The following GRIK5 variants were observed in gnomAD, a reference collection of about 807,000 sequenced individuals.
GRIK5 encodes glutamate receptor ionotropic, kainate 5.
A neutral mutation model predicts 97.4 loss-of-function variants in GRIK5; 43 were observed. The observed-to-expected ratio is 0.44, with a 90% CI of 0.35 to 0.57. GRIK5 has a LOEUF of 0.57. Among genes scored for constraint, GRIK5 ranks in the 20% least tolerant of loss-of-function variants. The probability of loss-of-function intolerance (pLI) is 0.01; values close to 1 mark genes in which losing one functional copy is unlikely to be tolerated. For missense variants in GRIK5, 1,015 were observed against 1,382.0 expected (o/e 0.73, Z 4.21); for synonymous variants, 580 against 583.5 (o/e 0.99, Z 0.09).
chr19:42,021,614 G>T lies in GRIK5; in HGVS notation c.1698-140C>A, dbSNP rs2075698063. ...AGCAAGATGGACAGAAGCACACAGA[G>T]AAAAGGCAGAGAGAGATGCACAGAG... On this transcript the variant is annotated intron_variant, in intron 14 of 19. Transcript: ENST00000593562. This position sits in a 1 kb window ranked among gnomAD's most constrained non-coding sequence, Gnocchi z 4.2. The T allele has an allele frequency of 4.6e-6, 3 of 657,814 alleles. No individual in the cohort carries two copies. The Admixed American group carries it at 9.2e-5, about 20-fold the overall frequency. The allele number at this position is 657,814 out of a possible 1,614,324, so 40.7% of individuals were successfully genotyped here.
At chr19:42,026,989 T>C (rs1357806244) in intron 12 of GRIK5, among the ~76,000 whole-genome samples, 1 of 152,146 alleles carries the variant, frequency 6.6e-6, no homozygotes, top group East Asian at 1.9e-4. Flanking sequence ...GTCTTACACC[T>C]GGCCCCAAAA....
At chr19:42,020,740 TGGC>T (rs2075686196) in intron 15 of GRIK5, among the ~76,000 whole-genome samples, 1 of 152,176 alleles carries the variant, frequency 6.6e-6, no homozygotes, top group Non-Finnish European at 1.5e-5. Flanking sequence ...ACAAATGCCA[TGGC>T]AACGTCAGGA....
chr19:42,015,880 C>A (rs1197661468), intron 15 of GRIK5, among the ~76,000 whole-genome samples: 1 of 152,158 alleles, frequency 6.6e-6, no homozygotes, highest in Non-Finnish European at 1.5e-5. Flanking sequence ...CCCAGACCTC[C>A]CACCCTCACA....
Position 42,031,641 on chromosome 19 carries a change from CTAAG to C in GRIK5, c.1474-9291_1474-9288del, listed in dbSNP as rs527467510. 8.5e-5 allele frequency among the ~76,000 whole-genome samples: 13 copies of C among 152,192 alleles called. No individual in the cohort carries two copies. The South Asian group carries it at 2.5e-3, about 29-fold the overall frequency. On this transcript the variant is annotated intron_variant, in intron 12 of 19. Transcript: ENST00000593562. ...ATCCATGAAAATGACAGGGAGTTGT[CTAAG>C]TAGCTAAAAGCCGATAAAAACACTC...
intron 15 of GRIK5, among the ~76,000 whole-genome samples, chr19:42,007,718 A>G (rs2075509883): frequency 6.6e-6 from 1 of 152,158 alleles, no homozygotes; most frequent in Non-Finnish European, 1.5e-5. Context: ...GGGCTGGACA[A>G]GAGCAACTTT....
At chr19:42,011,633 AAAG>A (rs1339594498) in intron 15 of GRIK5, among the ~76,000 whole-genome samples, 3 of 152,082 alleles carry the variant, frequency 2.0e-5, no homozygotes, top group Non-Finnish European at 4.4e-5. Context: ...AAAATAAAAC[AAAG>A]AAGTACAGTT....
intron 9 of GRIK5, 30 bp from the exon 10 acceptor site, chr19:42,053,959 A>AGCCGCTTGGG: frequency 6.8e-7 from 1 of 1,478,626 alleles, no homozygotes; most frequent in Non-Finnish European, 9.5e-7. Flanking sequence ...GGGCAGAGGG[A>AGCCGCTTGGG]GAGTGCAGGG....
In GRIK5 at chr19:42,022,758, G is replaced by T; in HGVS notation, c.1474-404C>A. 2.8e-6 allele frequency: 2 copies of T among 726,564 alleles called. No homozygotes were observed. Among genetic ancestry groups the T allele is most frequent in the Non-Finnish European group, 3.4e-6 (2 of 593,880 alleles). The allele number at this position is 726,564 out of a possible 1,614,324, so 45.0% of individuals were successfully genotyped here. ...ACAGGCCCGGACAGAACACAGAGCA[G>T]GGAGAGAGGAGGCAGGGCCCAGAAA... On this transcript the variant is annotated intron_variant, in intron 12 of 19. Transcript: ENST00000593562. This position sits in a 1 kb window ranked among gnomAD's most constrained non-coding sequence, Gnocchi z 4.2.
chr19:42,059,833 C>T (rs1295164831), intron 5 of GRIK5, among the ~76,000 whole-genome samples: 1 of 152,120 alleles, frequency 6.6e-6, no homozygotes, highest in East Asian at 1.9e-4. Context: ...CCACGGCTTC[C>T]CCATGTTGGT....
chr19:42,024,653 T>A (rs549050163), intron 12 of GRIK5, among the ~76,000 whole-genome samples: 56 of 152,180 alleles, frequency 3.7e-4, no homozygotes, highest in Non-Finnish European at 7.8e-4. Flanking sequence ...TCCCAACAGA[T>A]CCTGCTCGGG....
chr19:42,011,906 G>A (rs1201994894), intron 15 of GRIK5, among the ~76,000 whole-genome samples: 4 of 152,070 alleles, frequency 2.6e-5, no homozygotes, highest in Non-Finnish European at 4.4e-5. Flanking sequence ...CCCAGGAGTC[G>A]TGTTCGTGCC....
At chr19:42,054,210 G>A (rs1055208271) in intron 9 of GRIK5, 110 bp downstream of exon 9, 5 of 1,174,522 alleles carry the variant, frequency 4.3e-6, no homozygotes, top group Non-Finnish European at 4.9e-6. Context: ...GAGGCAGTGG[G>A]TACGGTGGGA....
intron 8 of GRIK5, among the ~76,000 whole-genome samples, chr19:42,055,958 C>A (rs966192981): frequency 1.3e-5 from 2 of 151,582 alleles, no homozygotes. Context: ...GCTGGGATTA[C>A]AAGTATAAGC....
chr19:42,058,825 CAA>C (rs768060100), intron 6 of GRIK5, among the ~76,000 whole-genome samples: 9 of 62,710 alleles, frequency 1.4e-4, no homozygotes, highest in Admixed American at 1.9e-4. Flanking sequence ...GACTCCGTCT[CAA>C]AAAAAAAAAA....
rs555342478 is a variant in GRIK5 at position 42,058,848 on chromosome 19, GA to G, written c.687+500del. ...CTCAAAAAAAAAAAAAAAGAAAAAAGAAAAAAAATACATGCAAAAACACCTT... is the reference window on the plus strand; with the variant it reads ...CTCAAAAAAAAAAAAAAAGAAAAAAGAAAAAAATACATGCAAAAACACCTT... On this transcript the variant is annotated intron_variant, in intron 6 of 19. Transcript: ENST00000593562. Among the ~76,000 whole-genome samples the G allele has an allele frequency of 2.0e-5, 3 of 149,544 alleles. No homozygotes were observed. The East Asian group carries it at 5.9e-4, about 29-fold the overall frequency.
chr19:41,998,978 C>G lies in GRIK5; in HGVS notation c.2836G>C (p.Gly946Arg), dbSNP rs781797669. ...CRRIQALRASGAGAPPRGLGV... is the reference protein window; with the variant it reads ...CRRIQALRASRAGAPPRGLGV... ...AGGCCACGCGGAGGCGCGCCGGCCC[C>G]CGAGGCCCGCAGCGCCTGGATGCGC... is the stretch of plus-strand genomic sequence containing the variant. The change falls in exon 20 of 20, where the codon GGG becomes CGG. Residue 946 changes from glycine (G) to arginine (R), a missense_variant. Coordinates refer to ENST00000593562, the MANE Select transcript of GRIK5 (RefSeq NM_002088.5). 8.4e-7 allele frequency: 1 copy of G among 1,188,504 alleles called. No homozygotes were observed. The highest frequency in any genetic ancestry group is 2.8e-5 in the South Asian group (1 of 35,888). The allele number at this position is 1,188,504 out of a possible 1,614,324, so 73.6% of individuals were successfully genotyped here.
intron 6 of GRIK5, among the ~76,000 whole-genome samples, chr19:42,058,496 T>C (rs904825535): frequency 6.9e-6 from 1 of 144,752 alleles, no homozygotes; most frequent in Non-Finnish European, 1.5e-5. Context: ...ATGGTTTTAA[T>C]TAAAAAAAAA....
intron 12 of GRIK5, among the ~76,000 whole-genome samples, chr19:42,034,178 A>G (rs542622503): frequency 4.3e-4 from 65 of 152,202 alleles, no homozygotes; most frequent in South Asian, 2.3e-3. Context: ...CCTGGCCAAC[A>G]TGGCAAAACT....
intron 1 of GRIK5, among the ~76,000 whole-genome samples, chr19:42,066,294 A>C (rs1012181677): frequency 5.9e-5 from 9 of 151,994 alleles, no homozygotes; most frequent in Admixed American, 5.2e-4. Flanking sequence ...CTCACTTGCC[A>C]CTTTCCTAAC....
Sources: allele counts gnomAD v4.1 joint callset (sites outside exome capture counted in the v4.1 genomes callset), GRCh38; gene constraint gnomAD v4.1.1; non-coding constraint Gnocchi (gnomAD v3.1); transcripts MANE v1.5; gene names NCBI Gene and HGNC (gene_info 2026-07-23, HGNC 2026-07-21).